The following PRKN variants were observed in gnomAD, a reference collection of about 807,000 sequenced individuals.
PRKN encodes parkin RBR E3 ubiquitin protein ligase.
PRKN carries 56 observed loss-of-function variants against 59.5 expected under a neutral mutation model. That is an observed-to-expected ratio of 0.94 (90% CI 0.76 to 1.18). The LOEUF is 1.18. PRKN is among the 50% of genes most tolerant of loss of function. PRKN has a pLI of 0.00. For synonymous variants in PRKN, 250 were observed against 222.1 expected (o/e 1.13, Z -1.12); for missense variants, 657 against 596.4 (o/e 1.10, Z -1.06).
At chr6:162,077,231 C>T (rs933667924) in intron 4 of PRKN, among the ~76,000 whole-genome samples, 19 of 152,128 alleles carry the variant, frequency 1.2e-4, no homozygotes, top group African/African-American at 4.3e-4. Flanking sequence ...CTGTTACCTA[C>T]AGCATTCAAT....
chr6:161,716,083 C>T (rs1340034068), intron 7 of PRKN: 17 of 1,344,882 alleles, frequency 1.3e-5, no homozygotes, highest in Non-Finnish European at 1.6e-5. Context: ...ACCGACTCCT[C>T]TCCTGAATCC....
rs1786709666 is a variant in PRKN at position 161,395,399 on chromosome 6, C to T, written c.1084-8522G>A. On this transcript the variant is annotated intron_variant, in intron 9 of 11. Transcript: ENST00000366898. The surrounding 1 kb of genome is among the most constrained non-coding windows in gnomAD (Gnocchi z 5.0). ...CCTCCGATCAGCATTTAGGTCCTTC[C>T]AATATTTTGCCATGACAAACAAAGC... 6.6e-6 allele frequency among the ~76,000 whole-genome samples: 1 copy of T among 152,144 alleles called. No homozygotes were observed.
rs1044771858 is a variant in PRKN at position 161,423,197 on chromosome 6, G to A, written c.1084-36320C>T. 3.9e-5 allele frequency among the ~76,000 whole-genome samples: 6 copies of A among 152,080 alleles called. No individual in the cohort carries two copies. Among genetic ancestry groups the A allele is most frequent in the Admixed American group, 6.6e-5 (1 of 15,254 alleles). On this transcript the variant is annotated intron_variant, in intron 9 of 11. Transcript: ENST00000366898. This position sits in a 1 kb window ranked among gnomAD's most constrained non-coding sequence, Gnocchi z 5.9. ...AGCCTTGCATGGGTTTGGTTGGGAC[G>A]TCCTCATCTGAGAAGACGTGGCCCC...
intron 6 of PRKN, among the ~76,000 whole-genome samples, chr6:161,871,619 T>C (rs1465585404): frequency 6.6e-6 from 1 of 152,212 alleles, no homozygotes; most frequent in Non-Finnish European, 1.5e-5. Context: ...GCCAGAGCCC[T>C]CTTCCTTGCA....
At chr6:162,052,844 G>A (rs967025804) in intron 5 of PRKN, among the ~76,000 whole-genome samples, 17 of 152,038 alleles carry the variant, frequency 1.1e-4, no homozygotes, top group African/African-American at 4.1e-4. Flanking sequence ...TTCTATGTAT[G>A]TATATATGTA....
rs1562465270 is a variant in PRKN, at chr6:162,021,118, ACATATATATATATAT to A, written c.618+32958_618+32972del. 2.3e-3 allele frequency among the ~76,000 whole-genome samples: 74 copies of A among 32,194 alleles called. 5 individuals are homozygous for A. Among genetic ancestry groups the A allele is most frequent in the African/African-American group, 9.3e-3 (74 of 7,962 alleles). The allele number at this position is 32,194 out of a possible 152,430, so 21.1% of individuals were successfully genotyped here. A position where few individuals can be genotyped will look rare whatever the true frequency, so the allele number is the denominator to read the frequency against. On this transcript the variant is annotated intron_variant, in intron 5 of 11. Transcript: ENST00000366898. The stretch of plus-strand genomic sequence containing the variant: ...ACTCTGTCTCAAAAAAAAAACAAAA[ACATATATATATATAT>A]ATATATATATATATATATATATATA...
intron 2 of PRKN, among the ~76,000 whole-genome samples, chr6:162,380,580 C>G (rs1242409428): frequency 2.7e-5 from 4 of 149,082 alleles, no homozygotes; most frequent in African/African-American, 7.4e-5. Context: ...AACCAATTTG[C>G]TTTGCACAAA....
In PRKN at chr6:161,502,400, A is replaced by G. The variant is rs1450113684; in HGVS notation, c.1083+46454T>C. Among the ~76,000 whole-genome samples, 9 of 152,162 alleles carry G rather than the reference A, an allele frequency of 5.9e-5. No homozygotes were observed. Among genetic ancestry groups the G allele is most frequent in the African/African-American group, 2.2e-4 (9 of 41,424 alleles). On this transcript the variant is annotated intron_variant, in intron 9 of 11. Coordinates refer to ENST00000366898, the MANE Select transcript of PRKN (RefSeq NM_004562.3). This position sits in a 1 kb window ranked among gnomAD's most constrained non-coding sequence, Gnocchi z 4.0. Reference sequence around the variant, plus strand: ...AGGAGAGCTTCTAGAAGTAAACATGACTGATGGTAAAGGACCCCTTCTAAC... The same window carrying G: ...AGGAGAGCTTCTAGAAGTAAACATGGCTGATGGTAAAGGACCCCTTCTAAC...
chr6:161,750,188 C>T (rs1392726647), intron 7 of PRKN, among the ~76,000 whole-genome samples: 1 of 151,564 alleles, frequency 6.6e-6, no homozygotes, highest in Non-Finnish European at 1.5e-5. Context: ...ACTTGCAAGG[C>T]CTGTAAACCC....
chr6:162,664,107 A>G (rs1354760124), intron 1 of PRKN, among the ~76,000 whole-genome samples: 4 of 151,946 alleles, frequency 2.6e-5, no homozygotes, highest in African/African-American at 9.7e-5. Context: ...GGTGTTCTCA[A>G]TGTTCAACTC....
intron 6 of PRKN, among the ~76,000 whole-genome samples, chr6:161,793,855 A>G (rs1279159261): frequency 6.6e-6 from 1 of 152,240 alleles, no homozygotes; most frequent in African/African-American, 2.4e-5. Context: ...TTATGAAAAT[A>G]TAAATTCTCT....
chr6:162,387,668 G>C (rs1786923940), intron 2 of PRKN, among the ~76,000 whole-genome samples: 1 of 151,030 alleles, frequency 6.6e-6, no homozygotes, highest in South Asian at 2.1e-4. Context: ...GTACCTCAAA[G>C]TCTAAAGTAT....
chr6:162,224,587 C>A (rs1778084591), intron 3 of PRKN, among the ~76,000 whole-genome samples: 1 of 152,130 alleles, frequency 6.6e-6, no homozygotes, highest in Non-Finnish European at 1.5e-5. Flanking sequence ...TTGATGCGTG[C>A]CGTCATTTAT....
At chr6:162,684,195 G>A (rs149930601) in intron 1 of PRKN, among the ~76,000 whole-genome samples, 11 of 152,080 alleles carry the variant, frequency 7.2e-5, no homozygotes, top group South Asian at 6.2e-4. Flanking sequence ...CTGACATAAT[G>A]TGAACACTAC....
chr6:162,249,966 C>T (rs745892092), intron 3 of PRKN, among the ~76,000 whole-genome samples: 8 of 151,928 alleles, frequency 5.3e-5, no homozygotes, highest in Non-Finnish European at 1.0e-4. Context: ...GCCAACAGGT[C>T]GAAATCCTGT....
At chr6:162,118,354 C>A (rs184335327) in intron 4 of PRKN, among the ~76,000 whole-genome samples, 1 of 151,616 alleles carries the variant, frequency 6.6e-6, no homozygotes, top group South Asian at 2.1e-4. Flanking sequence ...TGCAGTGAGC[C>A]GAGAACGCGC....
chr6:162,631,103 G>A (rs1220715833), intron 1 of PRKN, among the ~76,000 whole-genome samples: 1 of 152,006 alleles, frequency 6.6e-6, no homozygotes, highest in Admixed American at 6.6e-5. Context: ...AACACTAATG[G>A]AGCTGCCACA....
At chr6:161,954,541 C>T (rs1435059219) in intron 6 of PRKN, among the ~76,000 whole-genome samples, 1 of 152,170 alleles carries the variant, frequency 6.6e-6, no homozygotes, top group Admixed American at 6.6e-5. Context: ...ATCATATTGA[C>T]ACATAATGGA....
intron 4 of PRKN, among the ~76,000 whole-genome samples, chr6:162,092,686 A>G (rs1229783204): frequency 6.6e-6 from 1 of 152,234 alleles, no homozygotes; most frequent in Non-Finnish European, 1.5e-5. Context: ...ATGTTTTAAT[A>G]ACTTCTATTT....
Sources: allele counts gnomAD v4.1 joint callset (sites outside exome capture counted in the v4.1 genomes callset), GRCh38; gene constraint gnomAD v4.1.1; non-coding constraint Gnocchi (gnomAD v3.1); transcripts MANE v1.5; gene names NCBI Gene and HGNC (gene_info 2026-07-23, HGNC 2026-07-21).